The following DNTTIP1 variants were observed in gnomAD, a reference collection of about 807,000 sequenced individuals.
DNTTIP1 encodes the protein deoxynucleotidyltransferase terminal interacting protein 1.
Under a neutral mutation model 52.9 loss-of-function variants are expected in DNTTIP1, and 22 were observed. The observed-to-expected ratio is 0.42, with a 90% CI of 0.30 to 0.59. The LOEUF is 0.59. Among genes scored for constraint, DNTTIP1 ranks in the 20% least tolerant of loss-of-function variants. The pLI is 0.22. For missense variants in DNTTIP1, 286 were observed against 435.5 expected (o/e 0.66, Z 3.06); for synonymous variants, 136 against 155.1 (o/e 0.88, Z 0.92).
chr20:45,804,821 G>A (rs1010255988), intron 8 of DNTTIP1, among the ~76,000 whole-genome samples: 1 of 152,158 alleles, frequency 6.6e-6, no homozygotes, highest in Non-Finnish European at 1.5e-5. Flanking sequence ...GCCTCTCTAA[G>A]GAAGCCTTCC....
chr20:45,801,356 C>G, intron 5 of DNTTIP1, 46 bp from the exon 6 acceptor site: 3 of 1,606,164 alleles, frequency 1.9e-6, no homozygotes, highest in Non-Finnish European at 2.6e-6. Context: ...AGACCTGCAG[C>G]TCCCAGGCAC....
rs745762179 is a variant in DNTTIP1 at position 45,811,164 on chromosome 20, A to T, written c.959A>T (p.His320Leu). Reference protein sequence around the residue: ...YMETLRTENEHRAVEAPPQT With the variant: ...YMETLRTENELRAVEAPPQT The stretch of plus-strand genomic sequence containing the variant: ...GAGACACTACGGACAGAGAATGAGC[A>T]TCGTGCTGTTGAAGCACCTCCACAG... Residue 320 changes from histidine to leucine, a missense_variant, in exon 13 of 13, where the codon CAT (histidine) becomes CTT (leucine). By Grantham distance (99) the His-to-Leu change is moderately conservative. Transcript: ENST00000372622. The T allele has an allele frequency of 3.1e-6, 5 of 1,613,658 alleles. No individual in the cohort carries two copies. The Admixed American group carries it at 8.3e-5, about 27-fold the overall frequency.
In DNTTIP1 at chr20:45,809,191, C is replaced by T. The variant is rs754314023; in HGVS notation, c.795+6C>T. 3 of 1,613,700 alleles carry T rather than the reference C, an allele frequency of 1.9e-6. No individual in the cohort carries two copies. The highest frequency in any genetic ancestry group is 2.5e-6 in the Non-Finnish European group (3 of 1,179,890). ...GGGCAACAGGGGGCAAGATGGTAAG[C>T]ATTATTCATTTGTGCCACTGCCAGT... On this transcript the variant is annotated splice_donor_region_variant and intron_variant, in intron 11 of 12. Coordinates refer to ENST00000372622, the MANE Select transcript of DNTTIP1 (RefSeq NM_052951.3). This position sits in a 1 kb window ranked among gnomAD's most constrained non-coding sequence, Gnocchi z 4.2.
chr20:45,811,153 A>G lies in DNTTIP1; in HGVS notation c.948A>G (p.Thr316=). 1.2e-6 allele frequency: 2 copies of G among 1,614,084 alleles called. No homozygotes were observed. Among genetic ancestry groups the G allele is most frequent in the Non-Finnish European group, 8.5e-7 (1 of 1,179,940 alleles). ...KMRKYMETLR[T]ENEHRAVEAP... The stretch of plus-strand genomic sequence containing the variant: ...GAAAGTATATGGAGACACTACGGAC[A>G]GAGAATGAGCATCGTGCTGTTGAAG... Residue 316 remains threonine (T), a synonymous_variant, in exon 13 of 13, where the codon ACA becomes ACG. Transcript: ENST00000372622.
At chr20:45,807,607 G>A (rs769847549) in intron 10 of DNTTIP1, among the ~76,000 whole-genome samples, 6 of 151,884 alleles carry the variant, frequency 4.0e-5, no homozygotes, top group Non-Finnish European at 7.4e-5. Flanking sequence ...ACCCATTCCC[G>A]TGGTAAAAAG....
chr20:45,801,720 C>G (rs1373506268), intron 6 of DNTTIP1, among the ~76,000 whole-genome samples: 4 of 152,146 alleles, frequency 2.6e-5, no homozygotes, highest in Non-Finnish European at 5.9e-5. Context: ...CCCAGGAGTT[C>G]AAGGCTGTAG....
rs1281358125 is a variant in DNTTIP1 at position 45,811,264 on chromosome 20, C to T, written c.*69C>T. ...CTCTTCCTCACGTGGCTGAGGCCAC[C>T]GCTGGGACTGCTCCTAGATGGATCT... is the stretch of plus-strand genomic sequence containing the variant. On this transcript the variant is annotated 3_prime_UTR_variant, in exon 13 of 13. Transcript: ENST00000372622. The T allele has an allele frequency of 3.9e-6, 6 of 1,525,878 alleles. No homozygotes were observed. The highest frequency in any genetic ancestry group is 5.3e-6 in the Non-Finnish European group (6 of 1,137,636). 94.5% of individuals were successfully genotyped at this position (1,525,878 alleles called of 1,614,324 possible).
chr20:45,795,074 A>G (rs552416274), intron 3 of DNTTIP1, among the ~76,000 whole-genome samples: 56 of 151,728 alleles, frequency 3.7e-4, no homozygotes, highest in African/African-American at 1.3e-3. Flanking sequence ...CTGGGATTAC[A>G]GGTGTGAGCC....
At chr20:45,801,562 A>C (rs1981473857) in intron 6 of DNTTIP1, 104 bp downstream of exon 6, 1 of 1,220,312 alleles carries the variant, frequency 8.2e-7, no homozygotes, top group African/African-American at 1.5e-5. Flanking sequence ...CCAAGCGGGG[A>C]GGATCACTTG....
In DNTTIP1 at chr20:45,809,349, G is replaced by A. The variant is rs1319902895; in HGVS notation, c.795+164G>A. Among the ~76,000 whole-genome samples, 1 of 152,208 alleles carries A rather than the reference G, an allele frequency of 6.6e-6. No homozygotes were observed. Among genetic ancestry groups the A allele is most frequent in the Non-Finnish European group, 1.5e-5 (1 of 68,030 alleles). On this transcript the variant is annotated intron_variant, in intron 11 of 12. Transcript: ENST00000372622. This position sits in a 1 kb window ranked among gnomAD's most constrained non-coding sequence, Gnocchi z 4.2. ...ATTTCTTCATGCTGAAGAGCAAATT[G>A]TAATCTTCAGGTTCCCTTCCCTATC...
At chr20:45,793,226 C>A (rs186256890) in intron 2 of DNTTIP1, among the ~76,000 whole-genome samples, 1 of 152,342 alleles carries the variant, frequency 6.6e-6, no homozygotes, top group African/African-American at 2.4e-5. Context: ...TATAATTACT[C>A]ATTAAAGTGT....
At position 45,808,972 on chromosome 20, in the gene DNTTIP1, AT is replaced by A. The variant is rs1161335135; in HGVS notation, c.724-140del. On this transcript the variant is annotated intron_variant, in intron 10 of 12. Transcript: ENST00000372622. ...GGTTGGCTTAGCTTTCTCTGAAGAG[AT>A]TAGTGAGCCCTCTAAGTCCACCACG... 4.3e-6 allele frequency: 3 copies of A among 692,498 alleles called. No homozygotes were observed. The African/African-American group carries it at 5.4e-5, about 12-fold the overall frequency. 42.9% of individuals were successfully genotyped at this position (692,498 alleles called of 1,614,324 possible).
chr20:45,796,577 C>G (rs1455676023), intron 4 of DNTTIP1: 1 of 470,796 alleles, frequency 2.1e-6, no homozygotes, highest in Non-Finnish European at 4.4e-6. Context: ...AATGACTGTT[C>G]CCAAGATAGT....
chr20:45,809,252 G>A lies in DNTTIP1; in HGVS notation c.795+67G>A, dbSNP rs1444164683. 2 of 1,405,284 alleles carry A rather than the reference G, an allele frequency of 1.4e-6. No individual in the cohort carries two copies. The highest frequency in any genetic ancestry group is 2.8e-5 in the African/African-American group (2 of 70,894). The allele number at this position is 1,405,284 out of a possible 1,614,324, so 87.1% of individuals were successfully genotyped here. A position where few individuals can be genotyped will look rare whatever the true frequency, so the allele number is the denominator to read the frequency against. The stretch of plus-strand genomic sequence containing the variant: ...ACCTGGGAACCAGGATTTTGGCTGT[G>A]GGTGACAGCCTACCTCCAAATCTGA... On this transcript the variant is annotated intron_variant, in intron 11 of 12. Coordinates refer to ENST00000372622, the MANE Select transcript of DNTTIP1 (RefSeq NM_052951.3). This position sits in a 1 kb window ranked among gnomAD's most constrained non-coding sequence, Gnocchi z 4.2.
chr20:45,804,890 A>G (rs994196689), intron 8 of DNTTIP1, among the ~76,000 whole-genome samples: 5 of 152,200 alleles, frequency 3.3e-5, no homozygotes, highest in African/African-American at 9.7e-5. Flanking sequence ...TCCTTGCCTC[A>G]TCGCACAATG....
intron 4 of DNTTIP1, among the ~76,000 whole-genome samples, chr20:45,800,057 T>G (rs772042018): frequency 1.3e-5 from 2 of 151,282 alleles, no homozygotes; most frequent in Non-Finnish European, 2.9e-5. Flanking sequence ...GAGGCGGAGA[T>G]TGCAGACAGC....
intron 10 of DNTTIP1, among the ~76,000 whole-genome samples, chr20:45,808,368 C>T (rs969220651): frequency 2.6e-5 from 4 of 151,860 alleles, no homozygotes; most frequent in Admixed American, 2.0e-4. Context: ...CAGCCAGGCA[C>T]GGTGGCTCAC....
intron 4 of DNTTIP1, chr20:45,796,689 T>C: frequency 2.5e-6 from 1 of 392,340 alleles, no homozygotes; most frequent in South Asian, 1.9e-5. Flanking sequence ...AGTCGCTGGC[T>C]CACTTTCTCA....
At chr20:45,802,890 G>A (rs1275050429) in intron 7 of DNTTIP1, 1 of 149,896 alleles carries the variant, frequency 6.7e-6, no homozygotes, top group East Asian at 1.9e-4. Context: ...AACTTTACAT[G>A]GGAGCCCAGT....
Sources: gnomAD v4.1 joint callset for allele counts (sites outside exome capture counted in the v4.1 genomes callset) on GRCh38, gnomAD v4.1.1 for gene constraint, Gnocchi (gnomAD v3.1) non-coding constraint, MANE v1.5 for transcripts, NCBI Gene and HGNC (gene_info 2026-07-23, HGNC 2026-07-21) for gene names.